Variants in ABHD12 observed in about 807,000 individuals in gnomAD.
The protein encoded by ABHD12 is lysophosphatidylserine lipase ABHD12.
In ABHD12, 43 loss-of-function variants were observed where a neutral mutation model predicts 58.3. The ratio of observed to expected loss-of-function variants is 0.74; its 90% CI spans 0.58 to 0.95. The LOEUF is 0.95. Ranked by LOEUF, ABHD12 falls within the 40% of genes least tolerant of loss-of-function variation. ABHD12 has a pLI of 0.00. For missense variants in ABHD12, 539 were observed against 537.2 expected (o/e 1.00, Z -0.03); for synonymous variants, 219 against 211.2 (o/e 1.04, Z -0.32).
In ABHD12 at chr20:25,377,635, C is replaced by A. The variant is rs980053323; in HGVS notation, c.191+12878G>T. On this transcript the variant is annotated intron_variant, in intron 1 of 12. Transcript: ENST00000339157. Reference sequence around the variant, plus strand: ...TAAACCATTAATCTATGAATGGATTCATCCACTCATGAGAGCAAAGCCCTC... The same window carrying A: ...TAAACCATTAATCTATGAATGGATTAATCCACTCATGAGAGCAAAGCCCTC... 2.0e-5 allele frequency among the ~76,000 whole-genome samples: 3 copies of A among 152,300 alleles called. No homozygotes were observed. In the East Asian group the frequency reaches 5.8e-4, roughly 29 times the overall value.
chr20:25,308,118 G>C, intron 8 of ABHD12, 73 bp from the exon 9 acceptor site: 1 of 1,088,436 alleles, frequency 9.2e-7, no homozygotes, highest in African/African-American at 1.5e-5. Flanking sequence ...GGGGCTCTGA[G>C]GGGCCCCCAG....
chr20:25,344,594 C>G (rs891188918), intron 1 of ABHD12, among the ~76,000 whole-genome samples: 1 of 152,136 alleles, frequency 6.6e-6, no homozygotes, highest in Non-Finnish European at 1.5e-5. Flanking sequence ...TCAGTTCTTC[C>G]CAACTTTATA....
Position 25,353,245 on chromosome 20 carries a change from G to GT in ABHD12, c.192-13895dup, listed in dbSNP as rs11481056. On this transcript the variant is annotated intron_variant, in intron 1 of 12. Coordinates refer to ENST00000339157, the MANE Select transcript of ABHD12 (RefSeq NM_001042472.3). ...CTAGAGCTGAGGGCAAGCCATAGGT[G>GT]TTTTTTTTGTTTGTTTCTGTTTTTT... is the stretch of plus-strand genomic sequence containing the variant. Among the ~76,000 whole-genome samples, 748 of 130,830 alleles carry GT rather than the reference G, an allele frequency of 5.7e-3. 10 individuals are homozygous for GT. Among genetic ancestry groups the GT allele is most frequent in the African/African-American group, 0.018 (695 of 39,058 alleles). 85.8% of individuals were successfully genotyped at this position (130,830 alleles called of 152,430 possible). A position where few individuals can be genotyped will look rare whatever the true frequency, so the allele number is the denominator to read the frequency against.
At chr20:25,331,303 T>C (rs1393028873) in intron 2 of ABHD12, among the ~76,000 whole-genome samples, 1 of 152,130 alleles carries the variant, frequency 6.6e-6, no homozygotes, top group Non-Finnish European at 1.5e-5. Context: ...TATGGGACTA[T>C]GTGAAAAGAC....
At chr20:25,362,061 G>A (rs1198464829) in intron 1 of ABHD12, among the ~76,000 whole-genome samples, 1 of 151,744 alleles carries the variant, frequency 6.6e-6, no homozygotes, top group Non-Finnish European at 1.5e-5. Flanking sequence ...GATCACATGA[G>A]GTCAGGATTT....
intron 1 of ABHD12, among the ~76,000 whole-genome samples, chr20:25,375,424 CAG>C (rs903607655): frequency 5.9e-5 from 9 of 152,244 alleles, no homozygotes; most frequent in African/African-American, 1.4e-4. Context: ...TCCCCAGCCA[CAG>C]AGAGTTTCCT....
chr20:25,294,999 G>A, exon 13 of ABHD12: 1 of 1,614,228 alleles, frequency 6.2e-7, no homozygotes, highest in Non-Finnish European at 8.5e-7. Context: ...CACATGCTGG[G>A]ATCTGGGCTG....
At chr20:25,311,482 A>G (rs1282975116) in intron 6 of ABHD12, among the ~76,000 whole-genome samples, 1 of 152,234 alleles carries the variant, frequency 6.6e-6, no homozygotes, top group African/African-American at 2.4e-5. Flanking sequence ...AAGACGCTAC[A>G]TGTGTGCTGG....
downstream of ABHD12, chr20:25,296,562 C>A (rs770926149): frequency 1.9e-6 from 3 of 1,581,352 alleles, no homozygotes; most frequent in Non-Finnish European, 2.6e-6. Context: ...CATTTGTTTT[C>A]TTGCTGACTT....
At position 25,390,784 on chromosome 20, in the gene ABHD12, G is replaced by C. The variant is rs1449913656; in HGVS notation, c.-81C>G. 5.3e-6 allele frequency: 5 copies of C among 940,304 alleles called. No individual in the cohort carries two copies. The South Asian group carries it at 2.2e-4, about 41-fold the overall frequency. 58.2% of individuals were successfully genotyped at this position (940,304 alleles called of 1,614,324 possible). ...CGCCGCTCACAGCCGCCGCCACCCAGAGCCCGGAGCCCGGAACCCGCCGCT... is the reference window on the plus strand; with the variant it reads ...CGCCGCTCACAGCCGCCGCCACCCACAGCCCGGAGCCCGGAACCCGCCGCT... On this transcript the variant is annotated 5_prime_UTR_variant, in exon 1 of 13. Coordinates refer to ENST00000339157, the MANE Select transcript of ABHD12 (RefSeq NM_001042472.3).
chr20:25,341,358 T>G (rs2089451755), intron 1 of ABHD12, among the ~76,000 whole-genome samples: 1 of 152,130 alleles, frequency 6.6e-6, no homozygotes, highest in Non-Finnish European at 1.5e-5. Flanking sequence ...AATACAAGAG[T>G]TAACTAGATG....
intron 2 of ABHD12, among the ~76,000 whole-genome samples, chr20:25,330,010 G>A (rs1441505431): frequency 2.6e-5 from 4 of 152,240 alleles, no homozygotes; most frequent in East Asian, 1.9e-4. Flanking sequence ...CAGCGTGAGC[G>A]ACACAGAAGA....
chr20:25,387,385 A>AC (rs1268984885), intron 1 of ABHD12, among the ~76,000 whole-genome samples: 1 of 151,740 alleles, frequency 6.6e-6, no homozygotes, highest in African/African-American at 2.4e-5. Context: ...ACATGGTGAA[A>AC]CCCCATCTCT....
At chr20:25,312,381 G>A (rs994204272) in intron 6 of ABHD12, among the ~76,000 whole-genome samples, 1 of 152,182 alleles carries the variant, frequency 6.6e-6, no homozygotes, top group African/African-American at 2.4e-5. Context: ...GGGTTTCGCT[G>A]TGTTGGCCAG....
chr20:25,342,052 T>C (rs2089460920), intron 1 of ABHD12, among the ~76,000 whole-genome samples: 1 of 147,992 alleles, frequency 6.8e-6, no homozygotes, highest in Non-Finnish European at 1.5e-5. Flanking sequence ...GAAAGACTTG[T>C]TCAAAAATGT....
chr20:25,359,330 A>G (rs959569711), intron 1 of ABHD12, among the ~76,000 whole-genome samples: 2 of 148,564 alleles, frequency 1.3e-5, no homozygotes, highest in African/African-American at 5.0e-5. Flanking sequence ...AGGCTGAGGC[A>G]AGAGAATGGC....
chr20:25,369,016 G>A (rs534519910), intron 1 of ABHD12, among the ~76,000 whole-genome samples: 4 of 152,092 alleles, frequency 2.6e-5, no homozygotes, highest in South Asian at 2.1e-4. Flanking sequence ...CCAGCTACTC[G>A]GGAGGCTGAA....
downstream of ABHD12, among the ~76,000 whole-genome samples, chr20:25,298,514 G>C (rs956617069): frequency 6.6e-6 from 1 of 152,086 alleles, no homozygotes; most frequent in Non-Finnish European, 1.5e-5. Flanking sequence ...CTCAGCCTCC[G>C]AAAGTGCTGA....
At chr20:25,366,520 C>T (rs1295472101) in intron 1 of ABHD12, among the ~76,000 whole-genome samples, 1 of 152,178 alleles carries the variant, frequency 6.6e-6, no homozygotes. Context: ...CCTGCCTCAG[C>T]TTCCCAAAGT....
Sources: allele counts gnomAD v4.1 joint callset (sites outside exome capture counted in the v4.1 genomes callset), GRCh38; gene constraint gnomAD v4.1.1; transcripts MANE v1.5; gene names NCBI Gene and HGNC (gene_info 2026-07-23, HGNC 2026-07-21).